The following NPSR1 variants were observed in gnomAD, a reference collection of about 807,000 sequenced individuals.
NPSR1 encodes neuropeptide S receptor 1, also known as neuropeptide S receptor.
In NPSR1, 48 loss-of-function variants were observed where a neutral mutation model predicts 46.9. That is an observed-to-expected ratio of 1.02 (90% confidence interval 0.81 to 1.30). The LOEUF (loss-of-function observed/expected upper bound fraction) is 1.30, where lower values mean the gene tolerates loss of function less well. Among genes scored for constraint, NPSR1 ranks in the 50% most tolerant of loss-of-function variants. NPSR1 has a pLI of 0.00. For synonymous variants in NPSR1, 176 were observed against 168.1 expected, an observed-to-expected ratio of 1.05 and a Z score of -0.36; for missense variants, 450 against 449.5, an observed-to-expected ratio of 1.00 and a Z score of -0.01.
chr7:34,779,745 T>A (rs897019759), intron 3 of NPSR1: 4 of 323,226 alleles, frequency 1.2e-5, no homozygotes, highest in Non-Finnish European at 2.3e-5. Flanking sequence ...TGTAAATAAA[T>A]GCTTTCAATT....
At position 34,784,926 on chromosome 7, in the gene NPSR1, G is replaced by A. The variant is rs1184082406; in HGVS notation, c.384+6361G>A. ...GGAGAAATAGGAACACTTTTACACT[G>A]TTGGCAGAACTGTAAACTAGATCAA... On this transcript the variant is annotated intron_variant, in intron 3 of 8. Transcript: ENST00000360581. Among the ~76,000 whole-genome samples, 2 of 152,114 alleles carry A rather than the reference G, an allele frequency of 1.3e-5. 1 individual carries two copies. Among genetic ancestry groups the A allele is most frequent in the Non-Finnish European group, 2.9e-5 (2 of 68,038 alleles).
At chr7:34,867,823 G>T (rs901943611) in intron 8 of NPSR1, among the ~76,000 whole-genome samples, 5 of 151,790 alleles carry the variant, frequency 3.3e-5, no homozygotes, top group Admixed American at 2.6e-4. Context: ...AAATAGTTTG[G>T]CACTCAGTTC....
chr7:34,838,917 G>T (rs189014750), intron 6 of NPSR1, among the ~76,000 whole-genome samples: 18 of 152,082 alleles, frequency 1.2e-4, no homozygotes, highest in Non-Finnish European at 2.2e-4. Flanking sequence ...CAAATTTCTC[G>T]TTATAACTAT....
chr7:34,743,950 T>C (rs1319070907), intron 2 of NPSR1, among the ~76,000 whole-genome samples: 2 of 152,192 alleles, frequency 1.3e-5, no homozygotes, highest in Non-Finnish European at 2.9e-5. Context: ...TGAATACATG[T>C]GTTCAGCCGA....
intron 2 of NPSR1, among the ~76,000 whole-genome samples, chr7:34,770,858 C>T (rs1029341257): frequency 1.3e-5 from 2 of 152,170 alleles, no homozygotes; most frequent in African/African-American, 4.8e-5. Context: ...CTGGTTAGGT[C>T]ATTCTCTTCC....
At chr7:34,659,176 C>T (rs965852373) in intron 1 of NPSR1, among the ~76,000 whole-genome samples, 4 of 152,224 alleles carry the variant, frequency 2.6e-5, no homozygotes, top group South Asian at 2.1e-4. Context: ...AAGGGCCACA[C>T]TGAGGAAGGA....
chr7:34,750,544 C>G, intron 2 of NPSR1: 1 of 697,784 alleles, frequency 1.4e-6, no homozygotes, highest in Middle Eastern at 2.6e-4. Flanking sequence ...CTTGGTTAAT[C>G]TCAAGCTCCT....
intron 2 of NPSR1, among the ~76,000 whole-genome samples, chr7:34,717,214 C>T (rs751876764): frequency 2.0e-5 from 3 of 152,204 alleles, no homozygotes; most frequent in Non-Finnish European, 4.4e-5. Flanking sequence ...CTCACCGCAA[C>T]CTCCACTTCC....
intron 5 of NPSR1, among the ~76,000 whole-genome samples, chr7:34,828,261 G>T (rs1789952748): frequency 6.6e-6 from 1 of 152,230 alleles, no homozygotes; most frequent in Non-Finnish European, 1.5e-5. Context: ...CAGAGTGAGT[G>T]TAGAGGCAGA....
At chr7:34,689,654 A>AAATCTAG (rs1793143573) in intron 2 of NPSR1, among the ~76,000 whole-genome samples, 3 of 150,078 alleles carry the variant, frequency 2.0e-5, no homozygotes, top group Admixed American at 6.6e-5. Flanking sequence ...AGAAAGAAAG[A>AAATCTAG]AATCTAGGCA....
At chr7:34,675,304 C>A (rs1431894448) in intron 1 of NPSR1, among the ~76,000 whole-genome samples, 1 of 152,198 alleles carries the variant, frequency 6.6e-6, no homozygotes, top group East Asian at 1.9e-4. Context: ...CAAATTATTT[C>A]ATTCCCTTTC....
chr7:34,855,930 G>GA (rs1361163750), intron 8 of NPSR1, among the ~76,000 whole-genome samples: 2 of 152,044 alleles, frequency 1.3e-5, no homozygotes, highest in Non-Finnish European at 2.9e-5. Flanking sequence ...AACAGATGCA[G>GA]AAAAAAATGT....
At chr7:34,759,191 A>G (rs79628951) in intron 2 of NPSR1, among the ~76,000 whole-genome samples, 3 of 152,346 alleles carry the variant, frequency 2.0e-5, no homozygotes, top group African/African-American at 7.2e-5. Flanking sequence ...TTAAGAGTAC[A>G]TAGCCATCCT....
At chr7:34,831,211 T>A (rs925840666) in intron 5 of NPSR1, among the ~76,000 whole-genome samples, 1 of 152,118 alleles carries the variant, frequency 6.6e-6, no homozygotes, top group Non-Finnish European at 1.5e-5. Context: ...TTAGATTGAA[T>A]GAATAACGCA....
chr7:34,807,066 T>G (rs1788735047), intron 3 of NPSR1, among the ~76,000 whole-genome samples: 1 of 152,204 alleles, frequency 6.6e-6, no homozygotes, highest in African/African-American at 2.4e-5. Flanking sequence ...TGTAGAGTTT[T>G]CATTGTTGAC....
At chr7:34,691,510 G>C (rs1037439705) in intron 2 of NPSR1, among the ~76,000 whole-genome samples, 4 of 151,966 alleles carry the variant, frequency 2.6e-5, no homozygotes, top group African/African-American at 9.7e-5. Flanking sequence ...AAAGTAAAGG[G>C]GTGGGAAAAT....
At chr7:34,849,411 T>C (rs774740408) in intron 8 of NPSR1, 154 bp from the exon 9 acceptor site, 62 of 1,561,216 alleles carry the variant, frequency 4.0e-5, no homozygotes, top group Admixed American at 2.7e-4. Flanking sequence ...CTGTGAGTCA[T>C]GGAGAAGGAA....
At chr7:34,750,375 G>T in intron 2 of NPSR1, 1 of 739,942 alleles carries the variant, frequency 1.4e-6, no homozygotes, top group Admixed American at 1.7e-5. Flanking sequence ...ACAACTTTTG[G>T]TTTCTTTTCG....
intron 2 of NPSR1, among the ~76,000 whole-genome samples, chr7:34,765,722 T>C (rs1196393451): frequency 6.6e-6 from 1 of 152,228 alleles, no homozygotes; most frequent in African/African-American, 2.4e-5. Flanking sequence ...TATGCAGTCG[T>C]AGAAAAGAAT....
Sources: allele counts gnomAD v4.1 joint callset (sites outside exome capture counted in the v4.1 genomes callset), GRCh38; gene constraint gnomAD v4.1.1; transcripts MANE v1.5; gene names NCBI Gene and HGNC (gene_info 2026-07-23, HGNC 2026-07-21).